The following MAP9 variants were observed in gnomAD, a reference collection of about 807,000 sequenced individuals.
The protein encoded by MAP9 is microtubule-associated protein 9.
MAP9 carries 80 observed loss-of-function variants against 75.2 expected under a neutral mutation model. That is an observed-to-expected ratio of 1.06 (90% confidence interval 0.89 to 1.28). The LOEUF is 1.28. Among genes scored for constraint, MAP9 ranks in the 50% most tolerant of loss-of-function variants. The pLI, the probability that MAP9 is intolerant of heterozygous loss-of-function variation, is 0.00. For synonymous variants in MAP9, 235 were observed against 237.3 expected, an observed-to-expected ratio of 0.99 and a Z score of 0.09; for missense variants, 753 against 719.9, an observed-to-expected ratio of 1.05 and a Z score of -0.53.
intron 13 of MAP9, among the ~76,000 whole-genome samples, chr4:155,348,660 C>T (rs1560800437): frequency 6.6e-6 from 1 of 152,216 alleles, no homozygotes; most frequent in East Asian, 1.9e-4. Context: ...AACTTGAGCA[C>T]ATTTTCAAAC....
intron 2 of MAP9, 123 bp from the exon 3 acceptor site, chr4:155,375,144 C>G (rs1360061924): frequency 1.6e-6 from 1 of 644,498 alleles, no homozygotes; most frequent in Non-Finnish European, 2.6e-6. Flanking sequence ...ATTCATCTAA[C>G]AAATATTTCC....
At chr4:155,359,607 A>G (rs1295762324) in intron 7 of MAP9, among the ~76,000 whole-genome samples, 1 of 152,070 alleles carries the variant, frequency 6.6e-6, no homozygotes, top group Non-Finnish European at 1.5e-5. Context: ...AAGCAACTTC[A>G]TCACCTCTGG....
chr4:155,366,896 T>G (rs1732356477), intron 5 of MAP9, among the ~76,000 whole-genome samples: 1 of 152,280 alleles, frequency 6.6e-6, no homozygotes, highest in Non-Finnish European at 1.5e-5. Flanking sequence ...TACCAAACTT[T>G]TATAAAATGA....
At chr4:155,370,197 C>T (rs528896144) in intron 4 of MAP9, among the ~76,000 whole-genome samples, 1 of 152,202 alleles carries the variant, frequency 6.6e-6, no homozygotes, top group African/African-American at 2.4e-5. Context: ...TTCTAATTGC[C>T]AAATATCTCA....
In MAP9 at chr4:155,373,132, T is replaced by C. The variant is rs1441603123; in HGVS notation, c.481+4A>G. ...ATGCAATTACAGTAATCCTAACAAA[T>C]TACCTGAAGATGTGCTTTTAATTGA... On this transcript the variant is annotated splice_donor_region_variant and intron_variant, in intron 4 of 13. Transcript: ENST00000311277. 1.4e-5 allele frequency: 21 copies of C among 1,523,062 alleles called. No individual in the cohort carries two copies. The highest frequency in any genetic ancestry group is 1.9e-5 in the Non-Finnish European group (21 of 1,135,048). 94.3% of individuals were successfully genotyped at this position (1,523,062 alleles called of 1,614,324 possible).
chr4:155,347,663 AGGAGTGTCT>A lies in MAP9; in HGVS notation c.*111_*119del, dbSNP rs1731330605. 1.0e-6 allele frequency: 1 copy of A among 953,364 alleles called. No individual in the cohort carries two copies. The highest frequency in any genetic ancestry group is 1.5e-6 in the Non-Finnish European group (1 of 669,446). The allele number at this position is 953,364 out of a possible 1,614,324, so 59.1% of individuals were successfully genotyped here. On this transcript the variant is annotated 3_prime_UTR_variant, in exon 14 of 14. Transcript: ENST00000311277. ...CCAAAGTATTTCTTTCATTGTCAGC[AGGAGTGTCT>A]GGCATTTAATTAAAATATATTCCTC... is the stretch of plus-strand genomic sequence containing the variant.
Position 155,362,069 on chromosome 4 carries a change from C to G in MAP9, c.781G>C (p.Glu261Gln). The G allele has an allele frequency of 1.2e-6, 2 of 1,600,956 alleles. No homozygotes were observed. Among genetic ancestry groups the G allele is most frequent in the South Asian group, 1.1e-5 (1 of 88,536 alleles). Residue 261 changes from glutamate (E) to glutamine (Q), a missense_variant, in exon 6 of 14, where the codon GAG becomes CAG. Physicochemically the swap from Glu to Gln is conservative, Grantham distance 29. Transcript: ENST00000311277. ...ILGDSFSPGS[E>Q]GNASGKDPNE... ...CCACCTTTTCCAGATGCGTTTCCCT[C>G]AGATCCTGGTGAAAAAGAATCTCCA...
At chr4:155,371,852 G>A (rs995861068) in intron 4 of MAP9, among the ~76,000 whole-genome samples, 7 of 151,754 alleles carry the variant, frequency 4.6e-5, no homozygotes, top group Admixed American at 2.0e-4. Context: ...TCTTAATAAC[G>A]AAGTTCAATT....
Position 155,360,240 on chromosome 4 carries a change from GTCA to G in MAP9, c.975_977del (p.Asp326del), listed in dbSNP as rs1335833506. ...TAGATAGTAGTGGATCAACTGTTCT[GTCA>G]TCATCCATAATCAGTTCCGCTTTTG... is the stretch of plus-strand genomic sequence containing the variant. On this transcript the variant is annotated inframe_deletion, in exon 7 of 14. Coordinates refer to ENST00000311277, the MANE Select transcript of MAP9 (RefSeq NM_001039580.2). 6.2e-7 allele frequency: 1 copy of G among 1,612,836 alleles called. No individual in the cohort carries two copies. The highest frequency in any genetic ancestry group is 8.5e-7 in the Non-Finnish European group (1 of 1,179,100).
chr4:155,369,180 G>A (rs932630722), intron 4 of MAP9, among the ~76,000 whole-genome samples: 12 of 151,688 alleles, frequency 7.9e-5, no homozygotes, highest in East Asian at 1.9e-4. Flanking sequence ...AAAATTAGCC[G>A]GGCTTAGTAG....
intron 5 of MAP9, among the ~76,000 whole-genome samples, chr4:155,365,439 C>G (rs1350674): frequency 3.3e-5 from 5 of 151,660 alleles, no homozygotes; most frequent in Non-Finnish European, 7.4e-5. Flanking sequence ...AAGTTGGTAA[C>G]GGGTAAACAA....
intron 5 of MAP9, among the ~76,000 whole-genome samples, chr4:155,364,021 A>C (rs1466217979): frequency 1.3e-5 from 2 of 152,136 alleles, no homozygotes; most frequent in Non-Finnish European, 2.9e-5. Context: ...AAACATAAAG[A>C]AAGCTAGACC....
chr4:155,355,599 C>A, intron 9 of MAP9, 117 bp downstream of exon 9: 1 of 743,262 alleles, frequency 1.3e-6, no homozygotes, highest in Non-Finnish European at 2.0e-6. Context: ...AACTCTTTCT[C>A]AATAAATTTA....
rs145689984 is a variant in MAP9 at position 155,355,834 on chromosome 4, G to A, written c.1172C>T (p.Pro391Leu). Reference sequence around the variant, plus strand: ...ATAGTGAGAAGAGGTAGTTGTCGATGGAGTTCTCCTTTTAGAACTAGATTT... The same window carrying A: ...ATAGTGAGAAGAGGTAGTTGTCGATAGAGTTCTCCTTTTAGAACTAGATTT... ...LKKSSSKRRTPSTTTSSHYLG... is the reference protein window; with the variant it reads ...LKKSSSKRRTLSTTTSSHYLG... Residue 391 changes from proline to leucine, a missense_variant, in exon 9 of 14, where the codon CCA becomes CTA. By Grantham distance (98) the Pro-to-Leu change is moderately conservative (BLOSUM62 -3). Transcript: ENST00000311277. The A allele has an allele frequency of 1.4e-3, 2,328 of 1,613,594 alleles. 4 individuals are homozygous for A. The highest frequency in any genetic ancestry group is 1.8e-3 in the Non-Finnish European group (2,072 of 1,179,672).
At chr4:155,362,428 T>C (rs1578849725) in intron 5 of MAP9, 2 of 255,996 alleles carry the variant, frequency 7.8e-6, no homozygotes, top group East Asian at 1.6e-4. Context: ...TCAAAACTCC[T>C]ATTACTTAAT....
intron 4 of MAP9, among the ~76,000 whole-genome samples, chr4:155,372,814 A>G (rs1732659984): frequency 6.6e-6 from 1 of 152,174 alleles, no homozygotes; most frequent in Admixed American, 6.5e-5. Context: ...ACAAAACTGA[A>G]GCTCACAGGT....
chr4:155,369,346 CA>C (rs1022631208), intron 4 of MAP9, among the ~76,000 whole-genome samples: 5 of 96,768 alleles, frequency 5.2e-5, no homozygotes, highest in Non-Finnish European at 7.4e-5. Context: ...AAAAAAAAAC[CA>C]AACAACAACA....
In MAP9 at chr4:155,345,128, A is replaced by G. The variant is rs984616052; in HGVS notation, c.*2655T>C. 6.6e-6 allele frequency: 1 copy of G among 152,026 alleles called. No homozygotes were observed. Among genetic ancestry groups the G allele is most frequent in the Non-Finnish European group, 1.5e-5 (1 of 67,922 alleles). 9.4% of individuals were successfully genotyped at this position (152,026 alleles called of 1,614,324 possible). A position where few individuals can be genotyped will look rare whatever the true frequency, so the allele number is the denominator to read the frequency against. ...AATAGGTAAATGTATATTCAAGAGAATATTACCAAGCTTGATTCTCTCCCT... is the reference window on the plus strand; with the variant it reads ...AATAGGTAAATGTATATTCAAGAGAGTATTACCAAGCTTGATTCTCTCCCT... On this transcript the variant is annotated 3_prime_UTR_variant, in exon 14 of 14. Transcript: ENST00000311277.
chr4:155,354,514 A>G (rs1390127839), intron 10 of MAP9: 1 of 130,090 alleles, frequency 7.7e-6, no homozygotes, highest in East Asian at 2.5e-4. Context: ...CCTAGGCTGG[A>G]GTACAGTGGC....
Sources: allele counts gnomAD v4.1 joint callset (sites outside exome capture counted in the v4.1 genomes callset), GRCh38; gene constraint gnomAD v4.1.1; transcripts MANE v1.5; gene names NCBI Gene and HGNC (gene_info 2026-07-23, HGNC 2026-07-21).